The following TEX261 variants were observed in gnomAD, a reference collection of about 807,000 sequenced individuals.
TEX261 encodes the protein testis expressed 261.
A neutral mutation model predicts 25.1 loss-of-function variants in TEX261; 13 were observed. The observed-to-expected ratio is 0.52, with a 90% CI of 0.34 to 0.82. The LOEUF (loss-of-function observed/expected upper bound fraction) is 0.82. Among genes scored for constraint, TEX261 ranks in the 40% least tolerant of loss-of-function variants. The probability of loss-of-function intolerance (pLI) is 0.02; values close to 1 mark genes in which losing one functional copy is unlikely to be tolerated. For missense variants in TEX261, 206 were observed against 243.2 expected (o/e 0.85, Z 1.02); for synonymous variants, 92 against 97.8 (o/e 0.94, Z 0.35).
rs782423009 is a variant in TEX261 at position 70,994,761 on chromosome 2, GC to G, written c.-5del. 140 of 1,584,474 alleles carry G rather than the reference GC, an allele frequency of 8.8e-5. No individual in the cohort carries two copies. The South Asian group carries it at 1.5e-3, about 17-fold the overall frequency. ...TCAGCAGGTACATGAACCACATGGCGCCCCCACCCGCCCGCTCCCCGGCCAC... is the reference window on the plus strand; with the variant it reads ...TCAGCAGGTACATGAACCACATGGCGCCCCACCCGCCCGCTCCCCGGCCAC... On this transcript the variant is annotated 5_prime_UTR_variant, in exon 1 of 6. Coordinates refer to ENST00000272438, the MANE Select transcript of TEX261 (RefSeq NM_144582.3).
chr2:70,991,154 T>C (rs1267777840), intron 3 of TEX261, among the ~76,000 whole-genome samples: 1 of 152,246 alleles, frequency 6.6e-6, no homozygotes, highest in Non-Finnish European at 1.5e-5. Flanking sequence ...AATACCTATA[T>C]GCACCTACTA....
chr2:70,991,782 G>A (rs782040332), intron 3 of TEX261, 48 bp downstream of exon 3: 11 of 1,599,376 alleles, frequency 6.9e-6, no homozygotes, highest in East Asian at 2.3e-5. Context: ...GATGGAGATG[G>A]GCACACCCAA....
In TEX261 at chr2:70,988,085, G is replaced by A. The variant is rs1368949483; in HGVS notation, c.*515C>T. ...GAGCAGAAGGTTAGCAGGAAGAAAG[G>A]AAGATGAACTGTCAGGGTATTAAGG... On this transcript the variant is annotated 3_prime_UTR_variant, in exon 6 of 6. Coordinates refer to ENST00000272438, the MANE Select transcript of TEX261 (RefSeq NM_144582.3). The A allele has an allele frequency of 3.1e-5, 5 of 160,692 alleles. No homozygotes were observed. The highest frequency in any genetic ancestry group is 1.2e-4 in the African/African-American group (5 of 41,512). The allele number at this position is 160,692 out of a possible 1,614,324, so 10.0% of individuals were successfully genotyped here. A position where few individuals can be genotyped will look rare whatever the true frequency, so the allele number is the denominator to read the frequency against.
chr2:70,991,722 G>A, intron 3 of TEX261, 108 bp downstream of exon 3: 1 of 1,358,138 alleles, frequency 7.4e-7, no homozygotes, highest in African/African-American at 1.5e-5. Context: ...TGGCTTCCTG[G>A]AGGACTTCAA....
rs924099251 is a variant in TEX261, at chr2:70,988,338, G to C, written c.*262C>G. ...TCCTGACCCACCTTGGAAGGGACAG[G>C]GGAGGACTGAGGGACCTCGGCCTCC... On this transcript the variant is annotated 3_prime_UTR_variant, in exon 6 of 6. Transcript: ENST00000272438. The C allele has an allele frequency of 4.3e-6, 2 of 470,296 alleles. No homozygotes were observed. The highest frequency in any genetic ancestry group is 7.8e-6 in the Non-Finnish European group (2 of 255,210). 29.1% of individuals were successfully genotyped at this position (470,296 alleles called of 1,614,324 possible). A position where few individuals can be genotyped will look rare whatever the true frequency, so the allele number is the denominator to read the frequency against.
intron 4 of TEX261, 43 bp from the exon 5 acceptor site, chr2:70,989,060 C>T (rs1553425313): frequency 6.5e-7 from 1 of 1,549,976 alleles, no homozygotes; most frequent in Admixed American, 1.8e-5. Context: ...CCGGAGGTGC[C>T]AAGAGTGGGC....
At chr2:70,991,748 T>TA in intron 3 of TEX261, 82 bp downstream of exon 3, 1 of 1,516,526 alleles carries the variant, frequency 6.6e-7, no homozygotes, top group Non-Finnish European at 8.9e-7. Context: ...GGCTTCCTTT[T>TA]TCTGTATCCC....
intron 2 of TEX261, 26 bp downstream of exon 2, chr2:70,993,670 G>A: frequency 6.9e-6 from 11 of 1,590,882 alleles, no homozygotes; most frequent in Non-Finnish European, 8.6e-6. Flanking sequence ...GAGTGAGGAG[G>A]ACTCCTGGAG....
At chr2:70,992,589 C>T (rs1553425760) in intron 2 of TEX261, among the ~76,000 whole-genome samples, 1 of 152,086 alleles carries the variant, frequency 6.6e-6, no homozygotes, top group African/African-American at 2.4e-5. Context: ...ATTAGCCAGG[C>T]ATGGTGGCAC....
chr2:70,994,737 C>T lies in TEX261; in HGVS notation c.21G>A (p.Leu7=). MWFMYL[L]SWLSLFIQVA... ...CCTGGATGAAGAGCGACAGCCAGCTCAGCAGGTACATGAACCACATGGCGC... is the reference window on the plus strand; with the variant it reads ...CCTGGATGAAGAGCGACAGCCAGCTTAGCAGGTACATGAACCACATGGCGC... Residue 7 remains leucine, a synonymous_variant, in exon 1 of 6, where the codon CTG becomes CTA. Coordinates refer to ENST00000272438, the MANE Select transcript of TEX261 (RefSeq NM_144582.3). 6.2e-7 allele frequency: 1 copy of T among 1,606,346 alleles called. No individual in the cohort carries two copies. Among genetic ancestry groups the T allele is most frequent in the African/African-American group, 1.3e-5 (1 of 74,570 alleles).
In TEX261 at chr2:70,988,641, T is replaced by A; in HGVS notation, c.550A>T (p.Ile184Phe). 1 of 1,614,164 alleles carries A rather than the reference T, an allele frequency of 6.2e-7. No homozygotes were observed. The highest frequency in any genetic ancestry group is 8.5e-7 in the Non-Finnish European group (1 of 1,180,038). Residue 184 changes from isoleucine to phenylalanine, a missense_variant, in exon 6 of 6, where the codon ATC (isoleucine) becomes TTC (phenylalanine). Transcript: ENST00000272438. ...CGACTGGGTAGAATGGCCTCTTTGA[T>A]GAAGGAGAAGACAACCAGGATCCCT... ...RLGILVVFSF[I>F]KEAILPSRQK...
chr2:70,993,717 C>T lies in TEX261; in HGVS notation c.129G>A (p.Arg43=). The T allele has an allele frequency of 6.2e-7, 1 of 1,613,800 alleles. No individual in the cohort carries two copies. Among genetic ancestry groups the T allele is most frequent in the Non-Finnish European group, 8.5e-7 (1 of 1,179,976 alleles). The change falls in exon 2 of 6, where the codon AGG becomes AGA. Residue 43 remains arginine (R), a synonymous_variant. Transcript: ENST00000272438. ...TTACCCAGATCATGTATTTTATGAT[C>T]CTGCTGGTGGCCACTGTGTATTCTT... The part of the protein sequence containing the change: ...LIEEYTVATS[R]IIKYMIWFST...
chr2:70,992,419 T>C (rs1553425727), intron 2 of TEX261, among the ~76,000 whole-genome samples: 1 of 151,858 alleles, frequency 6.6e-6, no homozygotes, highest in East Asian at 2.0e-4. Context: ...TCAAACTTTT[T>C]GACAGCAACC....
At position 70,988,529 on chromosome 2, in the gene TEX261, C is replaced by T; in HGVS notation, c.*71G>A. 7.9e-7 allele frequency: 1 copy of T among 1,258,886 alleles called. No individual in the cohort carries two copies. The highest frequency in any genetic ancestry group is 1.2e-6 in the Non-Finnish European group (1 of 860,584). The allele number at this position is 1,258,886 out of a possible 1,614,324, so 78.0% of individuals were successfully genotyped here. On this transcript the variant is annotated 3_prime_UTR_variant, in exon 6 of 6. Coordinates refer to ENST00000272438, the MANE Select transcript of TEX261 (RefSeq NM_144582.3). ...GGTAGGTGCCTTCCCGACTTCTGGT[C>T]CCCACCTGGCATAGAGGCCCAGGGG... is the stretch of plus-strand genomic sequence containing the variant.
chr2:70,993,908 G>A (rs909403766), intron 1 of TEX261, 133 bp from the exon 2 acceptor site: 10 of 697,856 alleles, frequency 1.4e-5, no homozygotes, highest in Non-Finnish European at 2.5e-5. Context: ...AACATCCCAT[G>A]TGTTGCCCTT....
intron 3 of TEX261, among the ~76,000 whole-genome samples, chr2:70,990,571 G>A (rs1429242600): frequency 6.6e-6 from 1 of 152,150 alleles, no homozygotes; most frequent in Non-Finnish European, 1.5e-5. Context: ...GCAGGCACCA[G>A]AAAGAACATG....
intron 2 of TEX261, among the ~76,000 whole-genome samples, chr2:70,992,455 C>A (rs1321208638): frequency 6.6e-6 from 1 of 151,494 alleles, no homozygotes; most frequent in Non-Finnish European, 1.5e-5. Flanking sequence ...ATCTGCCAGG[C>A]GAGGTGGCTC....
intron 1 of TEX261, 58 bp downstream of exon 1, chr2:70,994,630 C>G: frequency 6.4e-7 from 1 of 1,555,676 alleles, no homozygotes; most frequent in Non-Finnish European, 8.7e-7. Flanking sequence ...GATGCGACCC[C>G]CAACGAGCAC....
chr2:70,989,738 A>C lies in TEX261; in HGVS notation c.372+11T>G. On this transcript the variant is annotated intron_variant, in intron 4 of 5. Coordinates refer to ENST00000272438, the MANE Select transcript of TEX261 (RefSeq NM_144582.3). ...CCCTGTTAACAGCTGAATGTGCTGG[A>C]CACTTCTTACCTCTGAGAAGGGATA... 3 of 1,598,662 alleles carry C rather than the reference A, an allele frequency of 1.9e-6. No homozygotes were observed. The highest frequency in any genetic ancestry group is 2.6e-6 in the Non-Finnish European group (3 of 1,165,818).
Sources: gnomAD v4.1 joint callset for allele counts (sites outside exome capture counted in the v4.1 genomes callset) on GRCh38, gnomAD v4.1.1 for gene constraint, MANE v1.5 for transcripts, NCBI Gene and HGNC (gene_info 2026-07-23, HGNC 2026-07-21) for gene names.